The following VARS1 variants were observed in gnomAD, a reference collection of about 807,000 sequenced individuals.
VARS1 encodes valine--tRNA ligase.
A neutral mutation model predicts 161.0 loss-of-function variants in VARS1; 92 were observed. The ratio of observed to expected loss-of-function variants is 0.57; its 90% CI spans 0.48 to 0.68. The LOEUF is 0.68. VARS1 is among the 30% of genes least tolerant of loss of function. The pLI, the probability that VARS1 is intolerant of heterozygous loss-of-function variation, is 0.00. For synonymous variants in VARS1, 595 were observed against 682.5 expected, an observed-to-expected ratio of 0.87 and a Z score of 2.00; for missense variants, 1,338 against 1,695.9, an observed-to-expected ratio of 0.79 and a Z score of 3.71.
chr6:31,781,270 A>C lies in VARS1; in HGVS notation c.2545-147T>G, dbSNP rs1813126478. 1.5e-5 allele frequency: 18 copies of C among 1,166,196 alleles called. No individual in the cohort carries two copies. The highest frequency in any genetic ancestry group is 2.2e-5 in the Non-Finnish European group (18 of 826,004). The allele number at this position is 1,166,196 out of a possible 1,614,324, so 72.2% of individuals were successfully genotyped here. A position where few individuals can be genotyped will look rare whatever the true frequency, so the allele number is the denominator to read the frequency against. On this transcript the variant is annotated intron_variant, in intron 21 of 29. Coordinates refer to ENST00000375663, the MANE Select transcript of VARS1 (RefSeq NM_006295.3). This position sits in a 1 kb window ranked among gnomAD's most constrained non-coding sequence, Gnocchi z 6.8. ...AGAGCTCGTTGAGCGCCTTTATGTGAATCAGAAGCACTCCTTCCTCTGGGA... is the reference window on the plus strand; with the variant it reads ...AGAGCTCGTTGAGCGCCTTTATGTGCATCAGAAGCACTCCTTCCTCTGGGA...
At position 31,795,424 on chromosome 6, in the gene VARS1, G is replaced by A; in HGVS notation, c.-34+122C>T. 2.5e-6 allele frequency: 1 copy of A among 407,484 alleles called. No homozygotes were observed. Among genetic ancestry groups the A allele is most frequent in the Non-Finnish European group, 4.3e-6 (1 of 234,090 alleles). 25.2% of individuals were successfully genotyped at this position (407,484 alleles called of 1,614,324 possible). A position where few individuals can be genotyped will look rare whatever the true frequency, so the allele number is the denominator to read the frequency against. On this transcript the variant is annotated intron_variant, in intron 1 of 29. Transcript: ENST00000375663. This position sits in a 1 kb window ranked among gnomAD's most constrained non-coding sequence, Gnocchi z 6.9. The stretch of plus-strand genomic sequence containing the variant: ...AGGACCTGGCTCTCAGAGGGGCAGT[G>A]TCAGTGGGGAGTTCCTGGGGAAGAG...
chr6:31,781,788 A>G lies in VARS1; in HGVS notation c.2348-27T>C, dbSNP rs1407071731. On this transcript the variant is annotated intron_variant, in intron 19 of 29. Transcript: ENST00000375663. This position sits in a 1 kb window ranked among gnomAD's most constrained non-coding sequence, Gnocchi z 6.8. ...TGAGAGAGGCCAAAGGTCAGAGGTCAGAGGGAGTGGAGCTCTGCCCCCCAC... is the reference window on the plus strand; with the variant it reads ...TGAGAGAGGCCAAAGGTCAGAGGTCGGAGGGAGTGGAGCTCTGCCCCCCAC... 7 of 1,612,920 alleles carry G rather than the reference A, an allele frequency of 4.3e-6. No homozygotes were observed. The highest frequency in any genetic ancestry group is 1.3e-5 in the African/African-American group (1 of 74,942).
In VARS1 at chr6:31,782,158, G is replaced by A; in HGVS notation, c.2170C>T (p.Gln724Ter). The A allele has an allele frequency of 6.2e-7, 1 of 1,613,944 alleles. No homozygotes were observed. The highest frequency in any genetic ancestry group is 1.1e-5 in the South Asian group (1 of 91,086). The change falls in exon 18 of 30, where the codon CAG (glutamine) becomes TAG (stop). Residue 724 changes from glutamine to a stop codon, truncating the protein, a stop_gained. Transcript: ENST00000375663. LOFTEE classifies it high-confidence loss of function. The surrounding 1 kb of genome is among the most constrained non-coding windows in gnomAD (Gnocchi z 8.3). Reference protein sequence around the residue: ...DNIREWCISRQLWWGHRIPAY... With the variant: ...DNIREWCISR ...GGGATGCGATGGCCCCACCACAGCT[G>A]CCTGGAAATGCACCACTCCCTGCAA...
At position 31,782,491 on chromosome 6, in the gene VARS1, G is replaced by A; in HGVS notation, c.1991+39C>T. The A allele has an allele frequency of 6.2e-7, 1 of 1,612,640 alleles. No individual in the cohort carries two copies. Among genetic ancestry groups the A allele is most frequent in the Non-Finnish European group, 8.5e-7 (1 of 1,179,838 alleles). ...AGGCCAGGCGGTAAAACCCTGAGGA[G>A]CCCTCCATCTTCCTCCCGTCCCAGG... On this transcript the variant is annotated intron_variant, in intron 16 of 29. Transcript: ENST00000375663. This position sits in a 1 kb window ranked among gnomAD's most constrained non-coding sequence, Gnocchi z 8.3.
rs766017359 is a variant in VARS1 at position 31,781,828 on chromosome 6, C to T, written c.2347+19G>A. 5.0e-6 allele frequency: 8 copies of T among 1,613,032 alleles called. No individual in the cohort carries two copies. The East Asian group carries it at 1.6e-4, about 31-fold the overall frequency. On this transcript the variant is annotated intron_variant, in intron 19 of 29. Coordinates refer to ENST00000375663, the MANE Select transcript of VARS1 (RefSeq NM_006295.3). This position sits in a 1 kb window ranked among gnomAD's most constrained non-coding sequence, Gnocchi z 6.8. ...CTGCCCCCCACAACTCCCTCCAGAC[C>T]CTCAAAGCCCCGCCTTGCCTTGCTG...
At chr6:31,792,174 A>G in intron 6 of VARS1, 43 bp downstream of exon 6, 2 of 1,603,238 alleles carry the variant, frequency 1.2e-6, no homozygotes, top group Non-Finnish European at 1.7e-6. Context: ...GTGAAAACTT[A>G]GAAGGGGCTG....
Position 31,781,927 on chromosome 6 carries a change from C to G in VARS1, c.2267G>C (p.Ser756Thr), listed in dbSNP as rs1813177306. Residue 756 changes from serine to threonine, a missense_variant, in exon 19 of 30, where the codon AGT (serine) becomes ACT (threonine). This residue lies in a region of VARS1 where 902 missense variants were observed against 1,090.3 expected (regional missense o/e 0.83). Transcript: ENST00000375663. This position sits in a 1 kb window ranked among gnomAD's most constrained non-coding sequence, Gnocchi z 6.8. ...CCGGGCCTCCGCCTCATTGCGTCCA[C>G]TCACCCAGTACCGCCCATCAGGGTC... The part of the protein sequence containing the change: ...GEDPDGRYWV[S>T]GRNEAEAREK... 5 of 1,613,042 alleles carry G rather than the reference C, an allele frequency of 3.1e-6. No individual in the cohort carries two copies. In the African/African-American group the frequency reaches 4.0e-5, roughly 13 times the overall value.
intron 8 of VARS1, among the ~76,000 whole-genome samples, chr6:31,788,642 TA>T (rs1813675611): frequency 6.9e-6 from 1 of 144,256 alleles, no homozygotes; most frequent in East Asian, 2.1e-4. Flanking sequence ...CTGTCTCTAC[TA>T]AAAAAAATAC....
At position 31,779,179 on chromosome 6, in the gene VARS1, C is replaced by T. The variant is rs376835939; in HGVS notation, c.3514G>A (p.Ala1172Thr). The T allele has an allele frequency of 1.3e-5, 21 of 1,603,738 alleles. No individual in the cohort carries two copies. The highest frequency in any genetic ancestry group is 1.5e-5 in the Non-Finnish European group (18 of 1,176,626). Residue 1172 changes from alanine to threonine, a missense_variant, in exon 29 of 30, where the codon GCC (alanine) becomes ACC (threonine). Around this residue, in one of 3 missense-constraint regions of VARS1, gnomAD observed 433 missense variants for 586.2 expected, o/e 0.74. Transcript: ENST00000375663. The surrounding 1 kb of genome is among the most constrained non-coding windows in gnomAD (Gnocchi z 9.1). Reference sequence around the variant, plus strand: ...AGAGCCACAGCGCAACCCTGGGGGGCGGGAGCCCCCAGGGCCAGAACAGCC... The same window carrying T: ...AGAGCCACAGCGCAACCCTGGGGGGTGGGAGCCCCCAGGGCCAGAACAGCC... ...VVAVLALGAPAPQGCAVALAS... is the reference protein window; with the variant it reads ...VVAVLALGAPTPQGCAVALAS...
intron 8 of VARS1, among the ~76,000 whole-genome samples, chr6:31,786,219 C>T (rs1211536538): frequency 6.6e-6 from 1 of 151,904 alleles, no homozygotes; most frequent in Non-Finnish European, 1.5e-5. Context: ...GGGATCATGC[C>T]ATTGCACTCC....
In VARS1 at chr6:31,781,763, TGA is replaced by T. The variant is rs776894128; in HGVS notation, c.2348-4_2348-3del. 33 of 1,612,904 alleles carry T rather than the reference TGA, an allele frequency of 2.0e-5. No homozygotes were observed. In the African/African-American group the frequency reaches 3.3e-4, roughly 16 times the overall value. On this transcript the variant is annotated splice_polypyrimidine_tract_variant and splice_region_variant and intron_variant, in intron 19 of 29. Transcript: ENST00000375663. This position sits in a 1 kb window ranked among gnomAD's most constrained non-coding sequence, Gnocchi z 6.8. Reference sequence around the variant, plus strand: ...ACCAGGTATCCAATACATCCTCATCTGAGAGAGGCCAAAGGTCAGAGGTCAGA... The same window carrying T: ...ACCAGGTATCCAATACATCCTCATCTGAGAGGCCAAAGGTCAGAGGTCAGA...
At position 31,791,983 on chromosome 6, in the gene VARS1, G is replaced by A; in HGVS notation, c.872-12C>T. Reference sequence around the variant, plus strand: ...GGGGCCACTGACATCTGGGGGAGAGGAAGGGAGGGCTCAGTGCCGTGGCTG... The same window carrying A: ...GGGGCCACTGACATCTGGGGGAGAGAAAGGGAGGGCTCAGTGCCGTGGCTG... On this transcript the variant is annotated splice_polypyrimidine_tract_variant and intron_variant, in intron 6 of 29. Transcript: ENST00000375663. The surrounding 1 kb of genome is among the most constrained non-coding windows in gnomAD (Gnocchi z 5.0). 6.4e-7 allele frequency: 1 copy of A among 1,570,314 alleles called. No individual in the cohort carries two copies. Among genetic ancestry groups the A allele is most frequent in the South Asian group, 1.2e-5 (1 of 84,438 alleles).
rs1317937513 is a variant in VARS1 at position 31,784,240 on chromosome 6, C to T, written c.1645G>A (p.Val549Met). Residue 549 changes from valine to methionine, a missense_variant, in exon 13 of 30, where the codon GTG (valine) becomes ATG (methionine). Around this residue, in one of 3 missense-constraint regions of VARS1, gnomAD observed 902 missense variants for 1,090.3 expected, o/e 0.83. Coordinates refer to ENST00000375663, the MANE Select transcript of VARS1 (RefSeq NM_006295.3). This position sits in a 1 kb window ranked among gnomAD's most constrained non-coding sequence, Gnocchi z 6.1. ...ETMLGDVAVA[V>M]HPKDTRYQHL... ...TGGTATCTGGTATCTTTGGGGTGCACAGCTACAGCCACATCTCCCAGCATT... is the reference window on the plus strand; with the variant it reads ...TGGTATCTGGTATCTTTGGGGTGCATAGCTACAGCCACATCTCCCAGCATT... 1 of 1,614,074 alleles carries T rather than the reference C, an allele frequency of 6.2e-7. No individual in the cohort carries two copies. Among genetic ancestry groups the T allele is most frequent in the Admixed American group, 1.7e-5 (1 of 60,010 alleles).
At position 31,777,678 on chromosome 6, in the gene VARS1, G is replaced by A. The variant is rs1443673926; in HGVS notation, c.3727-16C>T. 1 of 1,611,540 alleles carries A rather than the reference G, an allele frequency of 6.2e-7. No individual in the cohort carries two copies. The highest frequency in any genetic ancestry group is 8.5e-7 in the Non-Finnish European group (1 of 1,178,970). On this transcript the variant is annotated splice_polypyrimidine_tract_variant and intron_variant, in intron 29 of 29. Coordinates refer to ENST00000375663, the MANE Select transcript of VARS1 (RefSeq NM_006295.3). This position sits in a 1 kb window ranked among gnomAD's most constrained non-coding sequence, Gnocchi z 5.8. ...TCTGTTGGAGCTGGAGTGGAACCAG[G>A]GGGTGGGTGAGGACCCAGGTCCAAG...
rs758503469 is a variant in VARS1 at position 31,785,606 on chromosome 6, C to T, written c.1228G>A (p.Glu410Lys). ...QGLSRHQLGREAFLQEVWKWK... is the reference protein window; with the variant it reads ...QGLSRHQLGRKAFLQEVWKWK... ...TTCCAGACTTCCTGTAGAAAGGCCT[C>T]GCGGCCCAGCTGGTGCCGGCTCAGT... is the stretch of plus-strand genomic sequence containing the variant. The change falls in exon 9 of 30, where the codon GAG becomes AAG. Residue 410 changes from glutamate to lysine, a missense_variant. Physicochemically the swap from Glu to Lys is moderately conservative, Grantham distance 56. Around this residue, in one of 3 missense-constraint regions of VARS1, gnomAD observed 902 missense variants for 1,090.3 expected, o/e 0.83. Coordinates refer to ENST00000375663, the MANE Select transcript of VARS1 (RefSeq NM_006295.3). The surrounding 1 kb of genome is among the most constrained non-coding windows in gnomAD (Gnocchi z 6.1). 13 of 1,612,282 alleles carry T rather than the reference C, an allele frequency of 8.1e-6. No individual in the cohort carries two copies. The highest frequency in any genetic ancestry group is 4.0e-5 in the African/African-American group (3 of 74,930).
In VARS1 at chr6:31,791,898, C is replaced by A. The variant is rs1376051417; in HGVS notation, c.945G>T (p.Gln315His). 1 of 1,607,804 alleles carries A rather than the reference C, an allele frequency of 6.2e-7. No individual in the cohort carries two copies. The highest frequency in any genetic ancestry group is 8.5e-7 in the Non-Finnish European group (1 of 1,176,878). The change falls in exon 7 of 30, where the codon CAG becomes CAT. Residue 315 changes from glutamine (Q) to histidine (H), a missense_variant. Gln to His is a conservative substitution (Grantham distance 24, BLOSUM62 0). This residue lies in a region of VARS1 where 902 missense variants were observed against 1,090.3 expected (regional missense o/e 0.83). Transcript: ENST00000375663. This position sits in a 1 kb window ranked among gnomAD's most constrained non-coding sequence, Gnocchi z 5.0. Reference protein sequence around the residue: ...VEAAWYPWWEQQGFFKPEYGR... With the variant: ...VEAAWYPWWEHQGFFKPEYGR... ...CATACTCTGGCTTGAAGAAGCCCTG[C>A]TGCTCCCACCAAGGGTACCAGGCAG...
Position 31,779,509 on chromosome 6 carries a change from C to T in VARS1, c.3316G>A (p.Ala1106Thr), listed in dbSNP as rs1279080119. Residue 1106 changes from alanine (A) to threonine (T), a missense_variant, in exon 28 of 30, where the codon GCC becomes ACC. Ala to Thr is a moderately conservative substitution (Grantham distance 58, BLOSUM62 0). Transcript: ENST00000375663. This position sits in a 1 kb window ranked among gnomAD's most constrained non-coding sequence, Gnocchi z 9.1. ...ECSWKDPEAE[A>T]ALELALSITR... ...ATGCTTAGCGCCAGCTCAAGGGCGG[C>T]TTCTGCCTCGGGGTCCTTCCAGGAG... The T allele has an allele frequency of 6.2e-7, 1 of 1,612,636 alleles. No individual in the cohort carries two copies. The highest frequency in any genetic ancestry group is 8.5e-7 in the Non-Finnish European group (1 of 1,179,976).
At chr6:31,792,339 C>A (rs1376137666) in intron 5 of VARS1, 38 bp from the exon 6 acceptor site, 3 of 1,613,914 alleles carry the variant, frequency 1.9e-6, no homozygotes, top group East Asian at 4.5e-5. Flanking sequence ...CAGGCATCAG[C>A]CAACCCATCA....
rs1436611125 is a variant in VARS1, at chr6:31,778,077, A to G, written c.3727-415T>C. ...CAAGGCTCTCTAGCTCTTGGCCTCCATGACTGGTTTTCTCTGTGTCTGTGC... is the reference window on the plus strand; with the variant it reads ...CAAGGCTCTCTAGCTCTTGGCCTCCGTGACTGGTTTTCTCTGTGTCTGTGC... On this transcript the variant is annotated intron_variant, in intron 29 of 29. Transcript: ENST00000375663. The surrounding 1 kb of genome is among the most constrained non-coding windows in gnomAD (Gnocchi z 5.1). The G allele has an allele frequency of 9.4e-6, 2 of 212,788 alleles. No homozygotes were observed. The highest frequency in any genetic ancestry group is 1.9e-5 in the Non-Finnish European group (2 of 105,092). The allele number at this position is 212,788 out of a possible 1,614,324, so 13.2% of individuals were successfully genotyped here.
Sources: gnomAD v4.1 joint callset for allele counts (sites outside exome capture counted in the v4.1 genomes callset) on GRCh38, gnomAD v4.1.1 for gene constraint, gnomAD v4.1.1 regional missense constraint, Gnocchi (gnomAD v3.1) non-coding constraint, MANE v1.5 for transcripts, NCBI Gene and HGNC (gene_info 2026-07-23, HGNC 2026-07-21) for gene names.